NCOR2: variants seen among roughly 807,000 people sequenced by gnomAD.
NCOR2 encodes the protein CTG repeat protein 26.
Under a neutral mutation model 262.9 loss-of-function variants are expected in NCOR2, and 81 were observed. The observed-to-expected ratio is 0.31, with a 90% CI of 0.26 to 0.37. NCOR2 has a LOEUF of 0.37. Among genes scored for constraint, NCOR2 ranks in the 10% least tolerant of loss-of-function variants. NCOR2 has a pLI of 1.00. For synonymous variants in NCOR2, 1,659 were observed against 1,559.3 expected, an observed-to-expected ratio of 1.06 and a Z score of -1.51; for missense variants, 3,385 against 3,621.4, an observed-to-expected ratio of 0.93 and a Z score of 1.68.
At chr12:124,555,378 C>G (rs886642736) in intron 1 of NCOR2, among the ~76,000 whole-genome samples, 4 of 152,172 alleles carry the variant, frequency 2.6e-5, no homozygotes, top group Admixed American at 1.3e-4. Context: ...GCACAGCTCA[C>G]AAAGCCCAGG....
At chr12:124,561,464 C>G (rs565872067) in intron 1 of NCOR2, among the ~76,000 whole-genome samples, 1 of 152,222 alleles carries the variant, frequency 6.6e-6, no homozygotes. Context: ...CAATGCCCCA[C>G]GTGGCTGTTA....
intron 1 of NCOR2, 41 bp from the exon 4 acceptor site, chr12:124,486,609 C>G (rs772955359): frequency 1.3e-6 from 2 of 1,532,800 alleles, no homozygotes; most frequent in African/African-American, 2.7e-5. Context: ...TGGGCGGGCA[C>G]GGGCATGGCG....
chr12:124,553,101 TG>T (rs1232108991), intron 1 of NCOR2, among the ~76,000 whole-genome samples: 1 of 152,226 alleles, frequency 6.6e-6, no homozygotes, highest in Non-Finnish European at 1.5e-5. Context: ...GGGGAGAACC[TG>T]TCCATCACCC....
At chr12:124,544,642 G>A (rs1055790412) in intron 1 of NCOR2, among the ~76,000 whole-genome samples, 10 of 152,064 alleles carry the variant, frequency 6.6e-5, no homozygotes, top group Admixed American at 3.3e-4. Context: ...ACACCCGCCC[G>A]GGCCCAGGGT....
intron 3 of NCOR2, among the ~76,000 whole-genome samples, chr12:124,475,859 T>C (rs1381556406): frequency 6.6e-6 from 1 of 152,106 alleles, no homozygotes; most frequent in Non-Finnish European, 1.5e-5. Context: ...CACAGAACCG[T>C]GGGGCTGAGC....
At chr12:124,374,509 A>T in intron 18 of NCOR2, 46 bp from the exon 21 acceptor site, 1 of 1,588,212 alleles carries the variant, frequency 6.3e-7, no homozygotes, top group Non-Finnish European at 8.6e-7. Context: ...AGCACCAAGT[A>T]GTGGGAGGGG....
intron 6 of NCOR2, 78 bp from the exon 9 acceptor site, chr12:124,449,945 G>T: frequency 1.4e-6 from 2 of 1,466,342 alleles, no homozygotes. Flanking sequence ...AGGAGCCACA[G>T]CCCTGGCACG....
chr12:124,453,899 A>G (rs1240006027), intron 6 of NCOR2, among the ~76,000 whole-genome samples: 1 of 152,160 alleles, frequency 6.6e-6, no homozygotes, highest in African/African-American at 2.4e-5. Context: ...TTCCAATGCA[A>G]ATTCCTCCAG....
intron 18 of NCOR2, among the ~76,000 whole-genome samples, chr12:124,377,850 A>C (rs1006627620): frequency 6.6e-6 from 1 of 151,822 alleles, no homozygotes; most frequent in South Asian, 2.1e-4. Context: ...AAAAAAAAAA[A>C]ACAAAAAAAA....
chr12:124,441,301 C>A (rs576524743), intron 7 of NCOR2, among the ~76,000 whole-genome samples: 8 of 152,180 alleles, frequency 5.3e-5, no homozygotes, highest in Non-Finnish European at 1.0e-4. Flanking sequence ...CAGAACCCAG[C>A]CTGAAGGTTT....
chr12:124,424,659 G>A (rs188915500), intron 11 of NCOR2, among the ~76,000 whole-genome samples: 11 of 152,264 alleles, frequency 7.2e-5, no homozygotes, highest in East Asian at 3.9e-4. Context: ...CACCCCTGCC[G>A]GGGACCCAGA....
At chr12:124,557,951 G>C (rs1372192732) in intron 1 of NCOR2, among the ~76,000 whole-genome samples, 3 of 152,078 alleles carry the variant, frequency 2.0e-5, no homozygotes, top group Admixed American at 2.0e-4. Context: ...ATGCTGACAG[G>C]CCTGGCCCAG....
At chr12:124,326,451 G>A in intron 45 of NCOR2, 81 bp from the exon 48 acceptor site, 2 of 1,312,308 alleles carry the variant, frequency 1.5e-6, no homozygotes, top group Non-Finnish European at 2.0e-6. Context: ...CAGGGGCAGG[G>A]TGAGGTCCTG....
chr12:124,507,377 A>C (rs1000035890), intron 1 of NCOR2, among the ~76,000 whole-genome samples: 4 of 152,218 alleles, frequency 2.6e-5, no homozygotes, highest in Admixed American at 6.5e-5. Flanking sequence ...AAATTAAACA[A>C]CACCTCCTCC....
rs769541943 is a variant in NCOR2 at position 124,385,814 on chromosome 12, C to T, written c.1950G>A (p.Lys650=). 3.1e-6 allele frequency: 5 copies of T among 1,614,078 alleles called. No homozygotes were observed. The Admixed American group carries it at 8.3e-5, about 27-fold the overall frequency. The change falls in exon 17 of 47, where the codon AAG becomes AAA. Residue 650 remains lysine, a synonymous_variant. Coordinates refer to ENST00000405201, the Ensembl canonical transcript of NCOR2. ...TCTTCTTGTAGTTGAAGTAGAAGTTCTTACACTGCGACACAGTCTTGGAGC... is the reference window on the plus strand; with the variant it reads ...TCTTCTTGTAGTTGAAGTAGAAGTTTTTACACTGCGACACAGTCTTGGAGC...
intron 16 of NCOR2, 120 bp from the exon 19 acceptor site, chr12:124,386,007 C>G: frequency 7.9e-7 from 1 of 1,258,894 alleles, no homozygotes; most frequent in East Asian, 2.5e-5. Flanking sequence ...GCTCCCTGCT[C>G]AGGCCCAGGA....
chr12:124,356,777 C>A (rs139960265), exon 23 of NCOR2: 5 of 1,474,438 alleles, frequency 3.4e-6, no homozygotes, highest in Non-Finnish European at 4.5e-6. Context: ...GCCTCGGCTG[C>A]GAAGGCTGGG....
chr12:124,466,643 A>T (rs1441732966), intron 4 of NCOR2, among the ~76,000 whole-genome samples: 4 of 152,070 alleles, frequency 2.6e-5, no homozygotes, highest in African/African-American at 9.7e-5. Context: ...TGAATGAGTT[A>T]CACAGGCAGG....
At chr12:124,494,172 T>C (rs1028932110) in intron 1 of NCOR2, among the ~76,000 whole-genome samples, 3 of 152,164 alleles carry the variant, frequency 2.0e-5, no homozygotes, top group African/African-American at 7.2e-5. Context: ...CCCACACAGC[T>C]TCCTTTCTGG....
Sources: gnomAD v4.1 joint callset for allele counts (sites outside exome capture counted in the v4.1 genomes callset) on GRCh38, gnomAD v4.1.1 for gene constraint, MANE v1.5 for transcripts, NCBI Gene and HGNC (gene_info 2026-07-23, HGNC 2026-07-21) for gene names.